The following UBL3 variants were observed in gnomAD, a reference collection of about 807,000 sequenced individuals.
The protein encoded by UBL3 is ubiquitin like 3.
In UBL3, 6 loss-of-function variants were observed where a neutral mutation model predicts 18.4. The ratio of observed to expected loss-of-function variants is 0.33; its 90% CI spans 0.18 to 0.64. UBL3 has a LOEUF of 0.64. Ranked by LOEUF, UBL3 falls within the 30% of genes least tolerant of loss-of-function variation. The pLI, the probability that UBL3 is intolerant of heterozygous loss-of-function variation, is 0.76. For synonymous variants in UBL3, 49 were observed against 46.6 expected, an observed-to-expected ratio of 1.05 and a Z score of -0.21; for missense variants, 109 against 142.9, an observed-to-expected ratio of 0.76 and a Z score of 1.21.
At chr13:29,845,206 A>G (rs1879200533) in intron 1 of UBL3, among the ~76,000 whole-genome samples, 1 of 152,166 alleles carries the variant, frequency 6.6e-6, no homozygotes, top group Non-Finnish European at 1.5e-5. Context: ...AGGAATTCAA[A>G]GCTGTGGGAA....
intron 1 of UBL3, among the ~76,000 whole-genome samples, chr13:29,792,533 G>T (rs1029371974): frequency 4.6e-5 from 7 of 152,166 alleles, no homozygotes; most frequent in African/African-American, 1.7e-4. Context: ...TGAAGAAAAC[G>T]ATTGTTTCAC....
chr13:29,840,728 T>C (rs1879076352), intron 1 of UBL3, among the ~76,000 whole-genome samples: 2 of 152,178 alleles, frequency 1.3e-5, no homozygotes, highest in African/African-American at 4.8e-5. Flanking sequence ...ACTACATTAC[T>C]AAGAGTTTTG....
chr13:29,838,889 C>T (rs556658681), intron 1 of UBL3, among the ~76,000 whole-genome samples: 26 of 151,160 alleles, frequency 1.7e-4, no homozygotes, highest in East Asian at 1.2e-3. Flanking sequence ...ATTCATCTTA[C>T]GTATAAGGAC....
At chr13:29,795,954 G>A (rs941616189) in intron 1 of UBL3, among the ~76,000 whole-genome samples, 1 of 151,194 alleles carries the variant, frequency 6.6e-6, no homozygotes, top group Admixed American at 6.6e-5. Context: ...TTTAAATAAG[G>A]AGAAGAATTT....
At chr13:29,784,344 T>C (rs1027657513) in intron 1 of UBL3, among the ~76,000 whole-genome samples, 1 of 152,038 alleles carries the variant, frequency 6.6e-6, no homozygotes, top group Non-Finnish European at 1.5e-5. Flanking sequence ...AAAAGACAAA[T>C]ACGTTGATCA....
intron 1 of UBL3, among the ~76,000 whole-genome samples, chr13:29,795,755 GAAAAAA>G (rs57782695): frequency 1.5e-5 from 1 of 66,192 alleles, no homozygotes; most frequent in African/African-American, 5.9e-5. Flanking sequence ...CCTCATCTCA[GAAAAAA>G]AAAAAAAAAA....
At chr13:29,839,155 T>C (rs1466632063) in intron 1 of UBL3, among the ~76,000 whole-genome samples, 1 of 152,090 alleles carries the variant, frequency 6.6e-6, no homozygotes, top group Non-Finnish European at 1.5e-5. Context: ...ACAAAAAAAG[T>C]CAAGTGTGAT....
At chr13:29,827,489 C>G (rs762415597) in intron 1 of UBL3, among the ~76,000 whole-genome samples, 32 of 152,320 alleles carry the variant, frequency 2.1e-4, no homozygotes, top group Middle Eastern at 6.8e-3. Context: ...TTATCAGAGA[C>G]TAGGATTGCA....
At chr13:29,770,440 G>T (rs527639132) in intron 3 of UBL3, among the ~76,000 whole-genome samples, 1 of 152,088 alleles carries the variant, frequency 6.6e-6, no homozygotes, top group South Asian at 2.1e-4. Context: ...AAAAATACTG[G>T]TAAAAAATTA....
chr13:29,810,224 T>C (rs1276086285), intron 1 of UBL3, among the ~76,000 whole-genome samples: 2 of 152,112 alleles, frequency 1.3e-5, no homozygotes, highest in Non-Finnish European at 2.9e-5. Context: ...AAAGTGGAGA[T>C]GTTAAAAATA....
At chr13:29,788,902 T>C (rs9506228) in intron 1 of UBL3, among the ~76,000 whole-genome samples, 12 of 27,984 alleles carry the variant, frequency 4.3e-4, no homozygotes, top group Admixed American at 6.8e-4. Context: ...CGTGTGTGCG[T>C]GTGTGTGTGT....
intron 1 of UBL3, among the ~76,000 whole-genome samples, chr13:29,820,787 A>T (rs1345899814): frequency 6.6e-6 from 1 of 152,198 alleles, no homozygotes; most frequent in Non-Finnish European, 1.5e-5. Flanking sequence ...CTTATTTGCT[A>T]TTATTTGTTA....
At chr13:29,780,198 C>G (rs1299668245) in intron 1 of UBL3, among the ~76,000 whole-genome samples, 7 of 150,418 alleles carry the variant, frequency 4.7e-5, no homozygotes, top group Non-Finnish European at 7.4e-5. Flanking sequence ...ACTAAAAACA[C>G]AAAAAATTAG....
chr13:29,797,051 GTATTTATAAATTAAT>G (rs550921439), intron 1 of UBL3, among the ~76,000 whole-genome samples: 14 of 152,144 alleles, frequency 9.2e-5, no homozygotes, highest in Non-Finnish European at 1.9e-4. Context: ...AGCAGTTAAC[GTATTTATAAATTAAT>G]TATTTATAAA....
In UBL3 at chr13:29,849,882, G is replaced by A. The variant is rs1879325954; in HGVS notation, c.-344C>T. 1 of 460,378 alleles carries A rather than the reference G, an allele frequency of 2.2e-6. No individual in the cohort carries two copies. Among genetic ancestry groups the A allele is most frequent in the Non-Finnish European group, 4.0e-6 (1 of 251,666 alleles). 28.5% of individuals were successfully genotyped at this position (460,378 alleles called of 1,614,324 possible). On this transcript the variant is annotated 5_prime_UTR_variant, in exon 1 of 5. Coordinates refer to ENST00000380680, the MANE Select transcript of UBL3 (RefSeq NM_007106.4). ...CACACGGACATGGAGAGGGGTGGGAGGGGGTTAAATGCGCCTTCCTCCTTT... is the reference window on the plus strand; with the variant it reads ...CACACGGACATGGAGAGGGGTGGGAAGGGGTTAAATGCGCCTTCCTCCTTT...
chr13:29,770,317 C>T (rs1458250495), intron 3 of UBL3, among the ~76,000 whole-genome samples: 1 of 151,938 alleles, frequency 6.6e-6, no homozygotes, highest in Admixed American at 6.6e-5. Flanking sequence ...GAGGTCCAGG[C>T]CATGCTTCTA....
chr13:29,826,890 G>C (rs546872911), intron 1 of UBL3, among the ~76,000 whole-genome samples: 1 of 152,112 alleles, frequency 6.6e-6, no homozygotes, highest in Non-Finnish European at 1.5e-5. Context: ...TTGTGTCTTT[G>C]TTCTCATGGG....
chr13:29,820,661 C>T (rs1330849755), intron 1 of UBL3, among the ~76,000 whole-genome samples: 1 of 152,112 alleles, frequency 6.6e-6, no homozygotes, highest in East Asian at 1.9e-4. Context: ...ACATTTCTGT[C>T]CTTTCATTCT....
intron 1 of UBL3, among the ~76,000 whole-genome samples, chr13:29,810,912 T>G (rs1395774732): frequency 6.6e-6 from 1 of 152,122 alleles, no homozygotes; most frequent in African/African-American, 2.4e-5. Context: ...TTATGAATTT[T>G]GGGCCTTTAC....
Sources: gnomAD v4.1 joint callset for allele counts (sites outside exome capture counted in the v4.1 genomes callset) on GRCh38, gnomAD v4.1.1 for gene constraint, MANE v1.5 for transcripts, NCBI Gene and HGNC (gene_info 2026-07-23, HGNC 2026-07-21) for gene names.